Variants in CDH15 observed in about 807,000 individuals in gnomAD.
CDH15 encodes the protein cadherin 15, also known as cadherin-15.
Under a neutral mutation model 69.4 loss-of-function variants are expected in CDH15, and 73 were observed. The observed-to-expected ratio is 1.05, with a 90% confidence interval of 0.87 to 1.28. CDH15 has a LOEUF of 1.28. CDH15 is among the 50% of genes most tolerant of loss of function. The pLI, the probability that CDH15 is intolerant of heterozygous loss-of-function variation, is 0.00. For missense variants in CDH15, 1,343 were observed against 1,133.6 expected (o/e 1.18, Z -2.65); for synonymous variants, 624 against 507.7 (o/e 1.23, Z -3.08).
intron 7 of CDH15, 111 bp downstream of exon 7, chr16:89,188,396 A>C: frequency 1.4e-6 from 1 of 702,190 alleles, no homozygotes; most frequent in Non-Finnish European, 2.6e-6. Flanking sequence ...AGATGCCGGC[A>C]CACACACATG....
rs761589871 is a variant in CDH15, at chr16:89,193,917, G to A, written c.2151+4G>A. The A allele has an allele frequency of 8.7e-6, 14 of 1,611,720 alleles. No homozygotes were observed. The Admixed American group carries it at 2.2e-4, about 25-fold the overall frequency. On this transcript the variant is annotated splice_donor_region_variant and intron_variant, in intron 13 of 13. Coordinates refer to ENST00000289746, the MANE Select transcript of CDH15 (RefSeq NM_004933.3). ...CATCGCCGACTTCATCAATGATGTA[G>A]GTGCTCCTGGGGACACCCCAGTACA...
chr16:89,190,569 C>T, intron 8 of CDH15, 73 bp downstream of exon 8: 3 of 1,537,246 alleles, frequency 2.0e-6, no homozygotes, highest in South Asian at 1.2e-5. Flanking sequence ...GCCCCTGATC[C>T]CTGGGCTCTG....
In CDH15 at chr16:89,191,624, G is replaced by A. The variant is rs558370460; in HGVS notation, c.1376-31G>A. ...CTGGTGGGGCAGGCTGGGGTGTTGG[G>A]GTCACTAAGCCGCGGCCTCCTCGCC... is the stretch of plus-strand genomic sequence containing the variant. On this transcript the variant is annotated intron_variant, in intron 9 of 13. Transcript: ENST00000289746. The A allele has an allele frequency of 2.3e-5, 36 of 1,569,292 alleles. No homozygotes were observed. The African/African-American group carries it at 4.3e-4, about 19-fold the overall frequency.
chr16:89,191,988 G>C (rs1461724525), intron 10 of CDH15, 94 bp downstream of exon 10: 1 of 1,309,976 alleles, frequency 7.6e-7, no homozygotes, highest in African/African-American at 1.5e-5. Context: ...TGAGGGGCAT[G>C]CAAACCCGTG....
intron 10 of CDH15, 100 bp downstream of exon 10, chr16:89,191,994 C>T: frequency 7.8e-7 from 1 of 1,285,176 alleles, no homozygotes; most frequent in Non-Finnish European, 1.1e-6. Flanking sequence ...GCATGCAAAC[C>T]CGTGGTCCTG....
At position 89,194,855 on chromosome 16, in the gene CDH15, T is replaced by C; in HGVS notation, c.2152-7T>C. 1 of 1,599,086 alleles carries C rather than the reference T, an allele frequency of 6.3e-7. No individual in the cohort carries two copies. Among genetic ancestry groups the C allele is most frequent in the Non-Finnish European group, 8.5e-7 (1 of 1,172,124 alleles). On this transcript the variant is annotated splice_polypyrimidine_tract_variant and splice_region_variant and intron_variant, in intron 13 of 13. Transcript: ENST00000289746. ...ATGTGTCTTGAGCTCTCCGGGCCTC[T>C]TTATAGGGCTTGGAGGCTGCAGATA...
In CDH15 at chr16:89,193,488, C is replaced by G. The variant is rs1466669306; in HGVS notation, c.1874C>G (p.Ala625Gly). The G allele has an allele frequency of 3.1e-6, 5 of 1,611,426 alleles. No homozygotes were observed. The African/African-American group carries it at 4.0e-5, about 13-fold the overall frequency. Residue 625 changes from alanine (A) to glycine (G), a missense_variant, in exon 12 of 14, where the codon GCA (alanine) becomes GGA (glycine). Ala to Gly is a moderately conservative substitution (Grantham distance 60, BLOSUM62 0). Transcript: ENST00000289746. The stretch of plus-strand genomic sequence containing the variant: ...TCCCCAGTGCTGGTCCTGCTCGTGG[C>G]ACTCCGGGCGCGGTTCTGGAAGCAG... The part of the protein sequence containing the change: ...LLLLVLVLLV[A>G]LRARFWKQSR...
At chr16:89,179,763 C>T (rs1031826974) in intron 2 of CDH15, among the ~76,000 whole-genome samples, 189 bp downstream of exon 2, 1 of 152,234 alleles carries the variant, frequency 6.6e-6, no homozygotes, top group African/African-American at 2.4e-5. Flanking sequence ...AAACCCTCCC[C>T]ATTGCCCCAG....
At chr16:89,184,217 C>T (rs897855016) in intron 4 of CDH15, among the ~76,000 whole-genome samples, 16 of 152,188 alleles carry the variant, frequency 1.1e-4, no homozygotes, top group South Asian at 4.1e-4. Flanking sequence ...GCTCATATCC[C>T]GCCTCAGTTT....
At position 89,171,808 on chromosome 16, in the gene CDH15, G is replaced by T; in HGVS notation, c.-24G>T. 6.5e-7 allele frequency: 1 copy of T among 1,547,406 alleles called. No individual in the cohort carries two copies. ...CTTCTTCGGGTCGCGGGTGCACTCC[G>T]GCCCGGCTCCCGCCTCGGCCCCGAT... On this transcript the variant is annotated 5_prime_UTR_variant, in exon 1 of 14. Coordinates refer to ENST00000289746, the MANE Select transcript of CDH15 (RefSeq NM_004933.3).
intron 3 of CDH15, among the ~76,000 whole-genome samples, chr16:89,180,601 C>T (rs954589585): frequency 3.3e-5 from 5 of 152,238 alleles, no homozygotes; most frequent in African/African-American, 9.6e-5. Flanking sequence ...CGTGGAGGAG[C>T]GGCTTGGTTC....
chr16:89,183,002 G>A (rs140464609), intron 3 of CDH15: 1 of 155,748 alleles, frequency 6.4e-6, no homozygotes, highest in Admixed American at 6.2e-5. Context: ...CTAACATGAT[G>A]AAACCTCATT....
intron 1 of CDH15, among the ~76,000 whole-genome samples, chr16:89,176,768 TG>T (rs1401051428): frequency 1.3e-5 from 2 of 152,078 alleles, no homozygotes; most frequent in African/African-American, 4.8e-5. Flanking sequence ...GATATTAAGA[TG>T]GGGGCCCTGT....
chr16:89,191,246 G>A (rs1915632947), intron 8 of CDH15, 84 bp from the exon 9 acceptor site: 2 of 1,498,848 alleles, frequency 1.3e-6, no homozygotes, highest in Admixed American at 1.7e-5. Flanking sequence ...TGTGTGTGCA[G>A]TGCATGTCAC....
chr16:89,193,936 C>T (rs755174260), intron 13 of CDH15, 23 bp downstream of exon 13: 7 of 1,609,852 alleles, frequency 4.3e-6, no homozygotes, highest in Non-Finnish European at 5.9e-6. Flanking sequence ...GGGGACACCC[C>T]AGTACACACA....
chr16:89,174,954 C>G (rs555074439), intron 1 of CDH15, among the ~76,000 whole-genome samples: 4 of 152,320 alleles, frequency 2.6e-5, no homozygotes, highest in African/African-American at 9.6e-5. Flanking sequence ...CTCCACTGGC[C>G]ACGTCTTCTG....
chr16:89,183,173 A>G, intron 3 of CDH15: 1 of 197,578 alleles, frequency 5.1e-6, no homozygotes, highest in Non-Finnish European at 1.0e-5. Flanking sequence ...CAAGAGTGAA[A>G]CTCTATCTCA....
chr16:89,180,124 G>A, intron 2 of CDH15, 76 bp from the exon 3 acceptor site: 1 of 1,523,210 alleles, frequency 6.6e-7, no homozygotes, highest in Non-Finnish European at 9.0e-7. Context: ...AGCTGGGGAG[G>A]GGCCTGAGGG....
intron 6 of CDH15, among the ~76,000 whole-genome samples, chr16:89,187,797 C>T (rs985679710): frequency 6.6e-6 from 1 of 152,178 alleles, no homozygotes; most frequent in Non-Finnish European, 1.5e-5. Flanking sequence ...CCATGGGACC[C>T]TCTGAGGCCC....
Sources: allele counts gnomAD v4.1 joint callset (sites outside exome capture counted in the v4.1 genomes callset), GRCh38; gene constraint gnomAD v4.1.1; transcripts MANE v1.5; gene names NCBI Gene and HGNC (gene_info 2026-07-23, HGNC 2026-07-21).